Variants in SORCS1 observed in about 807,000 individuals in gnomAD.
SORCS1 encodes the protein sortilin related VPS10 domain containing receptor 1, also known as VPS10 domain-containing receptor SorCS1.
SORCS1 carries 60 observed loss-of-function variants against 146.1 expected under a neutral mutation model. That is an observed-to-expected ratio of 0.41 (90% confidence interval 0.33 to 0.51). SORCS1 has a LOEUF of 0.51. Among genes scored for constraint, SORCS1 ranks in the 20% least tolerant of loss-of-function variants. The pLI is 0.21. For missense variants in SORCS1, 1,352 were observed against 1,487.6 expected (o/e 0.91, Z 1.50); for synonymous variants, 637 against 584.0 (o/e 1.09, Z -1.31).
intron 15 of SORCS1, among the ~76,000 whole-genome samples, chr10:106,672,586 G>A (rs1419602586): frequency 6.6e-6 from 1 of 152,112 alleles, no homozygotes; most frequent in Admixed American, 6.5e-5. Context: ...AATATGTTTG[G>A]ATCTGAGTGC....
chr10:106,637,996 G>A (rs1237153832), intron 18 of SORCS1, among the ~76,000 whole-genome samples: 1 of 152,196 alleles, frequency 6.6e-6, no homozygotes, highest in African/African-American at 2.4e-5. Context: ...CTTAGCTTGT[G>A]TAAGCAGATA....
At chr10:106,734,257 A>T (rs1856800002) in intron 5 of SORCS1, among the ~76,000 whole-genome samples, 1 of 152,202 alleles carries the variant, frequency 6.6e-6, no homozygotes, top group Admixed American at 6.5e-5. Flanking sequence ...TTCTGTGTAC[A>T]TCCTGGTGTC....
intron 12 of SORCS1, among the ~76,000 whole-genome samples, chr10:106,678,736 A>G (rs1316455906): frequency 6.6e-6 from 1 of 152,188 alleles, no homozygotes; most frequent in Non-Finnish European, 1.5e-5. Flanking sequence ...TTCCATTTCT[A>G]CTTTCTCTAA....
chr10:106,607,022 C>A lies in SORCS1; in HGVS notation c.3165+144G>T, dbSNP rs376341194. The A allele has an allele frequency of 2.7e-5, 30 of 1,091,430 alleles. No individual in the cohort carries two copies. In the African/African-American group the frequency reaches 4.4e-4, roughly 16 times the overall value. 67.6% of individuals were successfully genotyped at this position (1,091,430 alleles called of 1,614,324 possible). ...TTAGCAGTGTGAGAACAGACTAATACACCTACCATGAATGCTCTTGCATGT... is the reference window on the plus strand; with the variant it reads ...TTAGCAGTGTGAGAACAGACTAATAAACCTACCATGAATGCTCTTGCATGT... On this transcript the variant is annotated intron_variant, in intron 23 of 25. Coordinates refer to ENST00000263054, the MANE Select transcript of SORCS1 (RefSeq NM_052918.5).
At chr10:106,997,777 C>A (rs751554484) in intron 1 of SORCS1, among the ~76,000 whole-genome samples, 6 of 152,154 alleles carry the variant, frequency 3.9e-5, no homozygotes, top group Admixed American at 6.6e-5. Context: ...AAATTCAAAA[C>A]CATGCTTCTC....
intron 1 of SORCS1, among the ~76,000 whole-genome samples, chr10:106,976,398 T>C (rs1269058246): frequency 1.4e-5 from 2 of 147,578 alleles, no homozygotes; most frequent in East Asian, 4.2e-4. Context: ...GCTGCGCGAT[T>C]TCGGCTCACT....
At chr10:106,816,987 A>G (rs1947776435) in intron 3 of SORCS1, among the ~76,000 whole-genome samples, 1 of 152,224 alleles carries the variant, frequency 6.6e-6, no homozygotes, top group South Asian at 2.1e-4. Context: ...ATGGAAGCAC[A>G]AAGGGCTTGG....
intron 1 of SORCS1, among the ~76,000 whole-genome samples, chr10:107,090,875 A>G (rs1964133709): frequency 6.6e-6 from 1 of 152,106 alleles, no homozygotes; most frequent in African/African-American, 2.4e-5. Context: ...GCAACACTGG[A>G]TCTAGAATTG....
intron 2 of SORCS1, among the ~76,000 whole-genome samples, chr10:106,891,151 T>A (rs1316239256): frequency 1.3e-5 from 2 of 152,142 alleles, no homozygotes. Context: ...ATCTAGGTCC[T>A]AAGAGTGCTA....
At chr10:106,956,694 T>G in intron 1 of SORCS1, 114 bp from the exon 2 acceptor site, 1 of 865,142 alleles carries the variant, frequency 1.2e-6, no homozygotes, top group South Asian at 1.7e-5. Flanking sequence ...CATAATTGAA[T>G]GAATTGTTAC....
chr10:106,996,992 A>G (rs1279886054), intron 1 of SORCS1, among the ~76,000 whole-genome samples: 4 of 152,180 alleles, frequency 2.6e-5, no homozygotes, highest in Admixed American at 2.0e-4. Context: ...ATTTAGGGAA[A>G]AGGAAAGAGG....
chr10:106,985,025 T>A (rs1956404557), intron 1 of SORCS1, among the ~76,000 whole-genome samples: 1 of 151,896 alleles, frequency 6.6e-6, no homozygotes, highest in Non-Finnish European at 1.5e-5. Context: ...CCGTCTCTAC[T>A]GAAATTACAA....
At chr10:107,173,155 C>T in the SORCS1 span, among the ~76,000 whole-genome samples, 1 of 152,130 alleles carries the variant, frequency 6.6e-6, no homozygotes, top group Admixed American at 6.5e-5. Flanking sequence ...ACTTCTATAA[C>T]TATACATTAA....
At chr10:106,650,703 C>A (rs1191705341) in intron 18 of SORCS1, among the ~76,000 whole-genome samples, 2 of 152,144 alleles carry the variant, frequency 1.3e-5, no homozygotes, top group African/African-American at 4.8e-5. Context: ...GAAATCTGAA[C>A]CTCCTCTATA....
rs201131479 is a variant in SORCS1, at chr10:106,577,460, G to A, written c.3467C>T (p.Thr1156Met). The A allele has an allele frequency of 1.1e-4, 173 of 1,518,868 alleles. No individual in the cohort carries two copies. Among genetic ancestry groups the A allele is most frequent in the Non-Finnish European group, 1.4e-4 (162 of 1,120,910 alleles). The allele number at this position is 1,518,868 out of a possible 1,614,324, so 94.1% of individuals were successfully genotyped here. A position where few individuals can be genotyped will look rare whatever the true frequency, so the allele number is the denominator to read the frequency against. ...TGCCCCAGCAGATCCCCGCTTTGGCGTTGAAGGCGGAGTGGCGTGTCTTGC... is the reference window on the plus strand; with the variant it reads ...TGCCCCAGCAGATCCCCGCTTTGGCATTGAAGGCGGAGTGGCGTGTCTTGC... ...QRARHATPPS[T>M]PKRGSAGAQY... Residue 1156 changes from threonine to methionine, a missense_variant, in exon 26 of 26, where the codon ACG (threonine) becomes ATG (methionine). By Grantham distance (81) the Thr-to-Met change is moderately conservative. This residue lies in a region of SORCS1 where 214 missense variants were observed against 204.8 expected (regional missense o/e 1.05). Transcript: ENST00000263054.
intron 5 of SORCS1, among the ~76,000 whole-genome samples, chr10:106,760,866 G>A (rs1489585477): frequency 6.6e-6 from 1 of 152,104 alleles, no homozygotes; most frequent in Non-Finnish European, 1.5e-5. Flanking sequence ...CAGCACTTTG[G>A]GAAGCTGAGG....
At chr10:106,857,453 G>A (rs1949832863) in intron 2 of SORCS1, among the ~76,000 whole-genome samples, 2 of 152,212 alleles carry the variant, frequency 1.3e-5, no homozygotes, top group Non-Finnish European at 2.9e-5. Flanking sequence ...GCGGAACAGT[G>A]TTCACCTCTA....
intron 1 of SORCS1, among the ~76,000 whole-genome samples, chr10:107,044,957 AG>A (rs1411877215): frequency 6.6e-6 from 1 of 152,160 alleles, no homozygotes; most frequent in Non-Finnish European, 1.5e-5. Context: ...ATTTGACATA[AG>A]GCTTTAGGAA....
chr10:107,098,088 A>C (rs920460737), intron 1 of SORCS1, among the ~76,000 whole-genome samples: 1 of 152,226 alleles, frequency 6.6e-6, no homozygotes, highest in Non-Finnish European at 1.5e-5. Flanking sequence ...ACATGTAGAC[A>C]ATCATTAGGT....
Sources: gnomAD v4.1 joint callset for allele counts (sites outside exome capture counted in the v4.1 genomes callset) on GRCh38, gnomAD v4.1.1 for gene constraint, gnomAD v4.1.1 regional missense constraint, MANE v1.5 for transcripts, NCBI Gene and HGNC (gene_info 2026-07-23, HGNC 2026-07-21) for gene names.